HSDL2: variants seen among roughly 807,000 people sequenced by gnomAD.
HSDL2 encodes the protein hydroxysteroid dehydrogenase like 2, also known as hydroxysteroid dehydrogenase-like protein 2.
In HSDL2, 27 loss-of-function variants were observed where a neutral mutation model predicts 46.3. That is an observed-to-expected ratio of 0.58 (90% CI 0.43 to 0.80). The LOEUF (loss-of-function observed/expected upper bound fraction) is 0.80, where lower values mean the gene tolerates loss of function less well. HSDL2 is among the 30% of genes least tolerant of loss of function. HSDL2 has a pLI of 0.00. For synonymous variants in HSDL2, 153 were observed against 163.6 expected, an observed-to-expected ratio of 0.94 and a Z score of 0.50; for missense variants, 451 against 502.7, an observed-to-expected ratio of 0.90 and a Z score of 0.98.
rs1189381729 is a variant in HSDL2 at position 112,470,779 on chromosome 9, G to GT, written c.*238dup. The GT allele has an allele frequency of 6.6e-6, 2 of 301,092 alleles. No individual in the cohort carries two copies. Among genetic ancestry groups the GT allele is most frequent in the East Asian group, 1.2e-4 (2 of 16,052 alleles). 18.7% of individuals were successfully genotyped at this position (301,092 alleles called of 1,614,324 possible). On this transcript the variant is annotated 3_prime_UTR_variant, in exon 11 of 11. Coordinates refer to ENST00000398805, the MANE Select transcript of HSDL2 (RefSeq NM_032303.5). ...CAGTCTGTGTTTTTATATTTCAAGG[G>GT]TTTAACCCTTTGAGCCTTACATCTC...
intron 1 of HSDL2, among the ~76,000 whole-genome samples, chr9:112,380,569 C>G (rs1189165990): frequency 6.6e-6 from 1 of 152,134 alleles, no homozygotes; most frequent in Non-Finnish European, 1.5e-5. Flanking sequence ...TCACTTGTTC[C>G]TGACGCTCAA....
At position 112,388,518 on chromosome 9, in the gene HSDL2, AC is replaced by A. The variant is rs528285593; in HGVS notation, c.17+8339del. 1.8e-3 allele frequency among the ~76,000 whole-genome samples: 270 copies of A among 150,080 alleles called. 1 individual carries two copies. Among genetic ancestry groups the A allele is most frequent in the African/African-American group, 6.4e-3 (260 of 40,728 alleles). ...GGTGGCTTACACCTGTAATCCTAGC[AC>A]TTTGGGAACCTAGGTGGGTGGATCA... is the stretch of plus-strand genomic sequence containing the variant. On this transcript the variant is annotated intron_variant, in intron 1 of 10. Transcript: ENST00000398805.
intron 1 of HSDL2, among the ~76,000 whole-genome samples, chr9:112,382,788 T>C (rs147562843): frequency 6.6e-6 from 1 of 152,216 alleles, no homozygotes; most frequent in Non-Finnish European, 1.5e-5. Context: ...TTTTAAAAAT[T>C]TGTCTTTTAT....
intron 9 of HSDL2, among the ~76,000 whole-genome samples, chr9:112,456,862 G>A (rs971162446): frequency 1.3e-5 from 2 of 152,052 alleles, no homozygotes; most frequent in African/African-American, 4.8e-5. Context: ...TGCATGCCTT[G>A]AAAAATTGTG....
chr9:112,404,850 A>G (rs569950322), intron 2 of HSDL2, among the ~76,000 whole-genome samples: 25 of 152,338 alleles, frequency 1.6e-4, no homozygotes, highest in African/African-American at 5.8e-4. Flanking sequence ...TGTTAGAGGA[A>G]TGCATGTGAA....
At chr9:112,390,072 A>AT (rs1274306226) in intron 1 of HSDL2, among the ~76,000 whole-genome samples, 1 of 148,204 alleles carries the variant, frequency 6.7e-6, no homozygotes, top group Admixed American at 6.7e-5. Flanking sequence ...CTCAAAATAA[A>AT]TAAATAAATA....
At chr9:112,413,509 GA>G (rs1831925832) in intron 4 of HSDL2, among the ~76,000 whole-genome samples, 1 of 151,370 alleles carries the variant, frequency 6.6e-6, no homozygotes, top group East Asian at 1.9e-4. Context: ...AAAAAGAAAA[GA>G]AAAGAAATAT....
intron 1 of HSDL2, among the ~76,000 whole-genome samples, chr9:112,403,114 T>C (rs1564108860): frequency 6.6e-6 from 1 of 152,230 alleles, no homozygotes; most frequent in Non-Finnish European, 1.5e-5. Context: ...CGTACCCCAC[T>C]ATGCAGTCAT....
chr9:112,380,125 C>A lies in HSDL2; in HGVS notation c.-39C>A, dbSNP rs967074311. On this transcript the variant is annotated 5_prime_UTR_variant, in exon 1 of 11. Transcript: ENST00000398805. ...CCAGCTTTAGCTCTCTGCTCGCCGC[C>A]GCCGCTGTCGCCGCCACCTCCTCTG... The A allele has an allele frequency of 3.2e-6, 5 of 1,547,772 alleles. No individual in the cohort carries two copies. The highest frequency in any genetic ancestry group is 4.4e-6 in the Non-Finnish European group (5 of 1,141,538).
rs543156679 is a variant in HSDL2, at chr9:112,380,195, G to A, written c.17+15G>A. ...CCCAACACCGGGTAAGGGGGTAGGG[G>A]CGGCGCGGGGAGAGACCCTGTCGGG... On this transcript the variant is annotated intron_variant, in intron 1 of 10. Transcript: ENST00000398805. The A allele has an allele frequency of 6.4e-6, 10 of 1,564,586 alleles. No individual in the cohort carries two copies. The highest frequency in any genetic ancestry group is 2.4e-5 in the East Asian group (1 of 42,166).
intron 6 of HSDL2, among the ~76,000 whole-genome samples, chr9:112,421,007 G>A (rs1020584449): frequency 2.0e-5 from 3 of 151,980 alleles, no homozygotes; most frequent in African/African-American, 7.3e-5. Flanking sequence ...AGAATGCATA[G>A]TGGGAACCAC....
At chr9:112,431,093 C>G (rs1329080603) in intron 6 of HSDL2, among the ~76,000 whole-genome samples, 1 of 150,352 alleles carries the variant, frequency 6.7e-6, no homozygotes, top group Non-Finnish European at 1.5e-5. Flanking sequence ...ATAAAGATTT[C>G]TGGCTTGAGT....
At chr9:112,435,292 G>T (rs1446216754) in intron 6 of HSDL2, among the ~76,000 whole-genome samples, 2 of 152,084 alleles carry the variant, frequency 1.3e-5, no homozygotes, top group Non-Finnish European at 2.9e-5. Flanking sequence ...TTCTAATTTA[G>T]AGTTTTTAAG....
intron 3 of HSDL2, 107 bp downstream of exon 3, chr9:112,405,829 G>A (rs1831713149): frequency 2.9e-6 from 2 of 698,888 alleles, no homozygotes; most frequent in Non-Finnish European, 4.9e-6. Flanking sequence ...TGAGTCTTTG[G>A]AGAAATACGT....
chr9:112,388,386 G>A (rs1215973103), intron 1 of HSDL2, among the ~76,000 whole-genome samples: 1 of 150,752 alleles, frequency 6.6e-6, no homozygotes, highest in East Asian at 1.9e-4. Flanking sequence ...ACTTGAACGT[G>A]GGAGGCAGAG....
chr9:112,388,188 C>T (rs183215434), intron 1 of HSDL2, among the ~76,000 whole-genome samples: 1 of 151,468 alleles, frequency 6.6e-6, no homozygotes, highest in African/African-American at 2.4e-5. Flanking sequence ...AAAACCCAGG[C>T]ACAGTGGCTC....
At chr9:112,439,774 G>C (rs1832601646) in intron 7 of HSDL2, among the ~76,000 whole-genome samples, 1 of 152,222 alleles carries the variant, frequency 6.6e-6, no homozygotes, top group Non-Finnish European at 1.5e-5. Flanking sequence ...GTAATGCTTA[G>C]TGATTAAGAA....
intron 1 of HSDL2, among the ~76,000 whole-genome samples, chr9:112,401,105 T>C (rs1254836292): frequency 1.3e-5 from 2 of 152,324 alleles, no homozygotes; most frequent in African/African-American, 2.4e-5. Flanking sequence ...TATTCTTTTA[T>C]TCTTTTTTAA....
intron 8 of HSDL2, among the ~76,000 whole-genome samples, chr9:112,449,814 C>G (rs1436598400): frequency 6.6e-6 from 1 of 151,202 alleles, no homozygotes; most frequent in African/African-American, 2.4e-5. Flanking sequence ...GACGGGGTGA[C>G]AGAGTGGAAC....
Sources: allele counts gnomAD v4.1 joint callset (sites outside exome capture counted in the v4.1 genomes callset), GRCh38; gene constraint gnomAD v4.1.1; transcripts MANE v1.5; gene names NCBI Gene and HGNC (gene_info 2026-07-23, HGNC 2026-07-21).